LIPT2: variants seen among roughly 807,000 people sequenced by gnomAD.
LIPT2 encodes the protein octanoyl-[acyl-carrier-protein]:protein N-octanoyltransferase LIPT2, mitochondrial.
A neutral mutation model predicts 16.2 loss-of-function variants in LIPT2; 16 were observed. That is an observed-to-expected ratio of 0.99 (90% CI 0.67 to 1.50). The LOEUF is 1.50. Among genes scored for constraint, LIPT2 ranks in the 40% most tolerant of loss-of-function variants. LIPT2 has a pLI of 0.00. For synonymous variants in LIPT2, 199 were observed against 169.3 expected, an observed-to-expected ratio of 1.18 and a Z score of -1.36; for missense variants, 424 against 347.7, an observed-to-expected ratio of 1.22 and a Z score of -1.75.
rs1864371355 is a variant in LIPT2, at chr11:74,492,746, A to T, written c.467-382T>A. On this transcript the variant is annotated intron_variant, in intron 1 of 1. Transcript: ENST00000310109. ...CGGTGAAACCCCATCTCTACTAAAAATACAAAAAATTAGCCGGGCTGGTGG... is the reference window on the plus strand; with the variant it reads ...CGGTGAAACCCCATCTCTACTAAAATTACAAAAAATTAGCCGGGCTGGTGG... 2.6e-5 allele frequency among the ~76,000 whole-genome samples: 4 copies of T among 151,962 alleles called. No individual in the cohort carries two copies. The South Asian group carries it at 8.3e-4, about 32-fold the overall frequency.
chr11:74,493,714 G>T lies in LIPT2; in HGVS notation c.-11C>A. ...GGCGGGTTGCCGCATCGTGCCCACC[G>T]TTGCGTCCGCGGGGCCCCGCCCTCT... is the stretch of plus-strand genomic sequence containing the variant. On this transcript the variant is annotated 5_prime_UTR_variant, in exon 1 of 2. Transcript: ENST00000310109. 1.5e-6 allele frequency: 2 copies of T among 1,354,414 alleles called. No individual in the cohort carries two copies. The highest frequency in any genetic ancestry group is 9.4e-7 in the Non-Finnish European group (1 of 1,060,396). 83.9% of individuals were successfully genotyped at this position (1,354,414 alleles called of 1,614,324 possible). A position where few individuals can be genotyped will look rare whatever the true frequency, so the allele number is the denominator to read the frequency against.
chr11:74,492,451 T>G, intron 1 of LIPT2, 87 bp from the exon 2 acceptor site: 1 of 832,322 alleles, frequency 1.2e-6, no homozygotes, highest in Non-Finnish European at 2.0e-6. Flanking sequence ...GAAAACTGGA[T>G]TAGATCACCG....
intron 1 of LIPT2, 103 bp downstream of exon 1, chr11:74,493,135 C>T (rs936775048): frequency 3.6e-6 from 3 of 832,576 alleles, no homozygotes; most frequent in Non-Finnish European, 3.3e-6. Flanking sequence ...GATACGCCTC[C>T]TCCCGGCCCT....
At position 74,493,396 on chromosome 11, in the gene LIPT2, A is replaced by C. The variant is rs965475341; in HGVS notation, c.308T>G (p.Leu103Arg). The part of the protein sequence containing the change: ...GPGQLLCHPV[L>R]DLRRLGLRLR... Reference sequence around the variant, plus strand: ...GCGCAGGCCGAGACGCCGCAGGTCGAGTACCGGGTGGCAAAGCAGCTGGCC... The same window carrying C: ...GCGCAGGCCGAGACGCCGCAGGTCGCGTACCGGGTGGCAAAGCAGCTGGCC... Residue 103 changes from leucine to arginine, a missense_variant, in exon 1 of 2, where the codon CTC becomes CGC. Transcript: ENST00000310109. 2 of 1,515,976 alleles carry C rather than the reference A, an allele frequency of 1.3e-6. No individual in the cohort carries two copies. Among genetic ancestry groups the C allele is most frequent in the African/African-American group, 2.9e-5 (2 of 69,960 alleles). 93.9% of individuals were successfully genotyped at this position (1,515,976 alleles called of 1,614,324 possible).
chr11:74,492,127 A>G lies in LIPT2; in HGVS notation c.*8T>C, dbSNP rs1265984532. ...AGGCAGGAGCATCCTGGCTGTTATG[A>G]GTACTCTTCAGTTGGGGCTGTCCTC... On this transcript the variant is annotated 3_prime_UTR_variant, in exon 2 of 2. Coordinates refer to ENST00000310109, the MANE Select transcript of LIPT2 (RefSeq NM_001144869.3). 6.5e-7 allele frequency: 1 copy of G among 1,546,570 alleles called. No homozygotes were observed. Among genetic ancestry groups the G allele is most frequent in the East Asian group, 2.4e-5 (1 of 40,860 alleles).
In LIPT2 at chr11:74,493,710, C is replaced by T. The variant is rs1316886999; in HGVS notation, c.-7G>A. ...GAACGGCGGGTTGCCGCATCGTGCC[C>T]ACCGTTGCGTCCGCGGGGCCCCGCC... On this transcript the variant is annotated 5_prime_UTR_variant, in exon 1 of 2. Coordinates refer to ENST00000310109, the MANE Select transcript of LIPT2 (RefSeq NM_001144869.3). 1 of 1,359,190 alleles carries T rather than the reference C, an allele frequency of 7.4e-7. No homozygotes were observed. Among genetic ancestry groups the T allele is most frequent in the East Asian group, 3.1e-5 (1 of 32,470 alleles). 84.2% of individuals were successfully genotyped at this position (1,359,190 alleles called of 1,614,324 possible).
At position 74,490,536 on chromosome 11, in the gene LIPT2, T is replaced by C. The variant is rs530090465; in HGVS notation, c.*1599A>G. Among the ~76,000 whole-genome samples, 18 of 152,240 alleles carry C rather than the reference T, an allele frequency of 1.2e-4. No individual in the cohort carries two copies. The highest frequency in any genetic ancestry group is 4.3e-4 in the African/African-American group (18 of 41,542). On this transcript the variant is annotated 3_prime_UTR_variant, in exon 2 of 2. Transcript: ENST00000310109. The stretch of plus-strand genomic sequence containing the variant: ...CATTTATATTGCTTTATATTGATAT[T>C]TTTATATATTGGGTTAATTAAAATA...
rs998592620 is a variant in LIPT2 at position 74,493,663 on chromosome 11, A to T, written c.41T>A (p.Val14Glu). 24 of 1,432,162 alleles carry T rather than the reference A, an allele frequency of 1.7e-5. No homozygotes were observed. The highest frequency in any genetic ancestry group is 2.0e-5 in the Non-Finnish European group (22 of 1,098,638). The allele number at this position is 1,432,162 out of a possible 1,614,324, so 88.7% of individuals were successfully genotyped here. A position where few individuals can be genotyped will look rare whatever the true frequency, so the allele number is the denominator to read the frequency against. The change falls in exon 1 of 2, where the codon GTG (valine) becomes GAG (glutamate). Residue 14 changes from valine (V) to glutamate (E), a missense_variant. Physicochemically the swap from Val to Glu is moderately radical, Grantham distance 121. Transcript: ENST00000310109. Reference sequence around the variant, plus strand: ...CAGCCCCAGTAGCTCGGCGTACGGCACCCGACCCAGGCGCACCAACCGAAC... The same window carrying T: ...CAGCCCCAGTAGCTCGGCGTACGGCTCCCGACCCAGGCGCACCAACCGAAC... Reference protein sequence around the residue: ...PAVRLVRLGRVPYAELLGLQD... With the variant: ...PAVRLVRLGREPYAELLGLQD...
At position 74,491,161 on chromosome 11, in the gene LIPT2, AG is replaced by A. The variant is rs1482216197; in HGVS notation, c.*973del. On this transcript the variant is annotated 3_prime_UTR_variant, in exon 2 of 2. Transcript: ENST00000310109. ...CATGAGAACAATTAAGCAACCCTAT[AG>A]GGAGGTCCACACGGTAAGGAACTGA... 2.6e-5 allele frequency among the ~76,000 whole-genome samples: 4 copies of A among 152,358 alleles called. No homozygotes were observed. Among genetic ancestry groups the A allele is most frequent in the Admixed American group, 2.0e-4 (3 of 15,310 alleles).
chr11:74,493,691 C>T lies in LIPT2; in HGVS notation c.13G>A (p.Ala5Thr), dbSNP rs1300236615. 7.2e-7 allele frequency: 1 copy of T among 1,386,088 alleles called. No homozygotes were observed. The highest frequency in any genetic ancestry group is 9.3e-7 in the Non-Finnish European group (1 of 1,075,576). The allele number at this position is 1,386,088 out of a possible 1,614,324, so 85.9% of individuals were successfully genotyped here. A position where few individuals can be genotyped will look rare whatever the true frequency, so the allele number is the denominator to read the frequency against. MRQP[A>T]VRLVRLGRVP... ...CGACCCAGGCGCACCAACCGAACGGCGGGTTGCCGCATCGTGCCCACCGTT... is the reference window on the plus strand; with the variant it reads ...CGACCCAGGCGCACCAACCGAACGGTGGGTTGCCGCATCGTGCCCACCGTT... The change falls in exon 1 of 2, where the codon GCC (alanine) becomes ACC (threonine). Residue 5 changes from alanine (A) to threonine (T), a missense_variant. Physicochemically the swap from Ala to Thr is moderately conservative, Grantham distance 58. Coordinates refer to ENST00000310109, the MANE Select transcript of LIPT2 (RefSeq NM_001144869.3).
At position 74,492,348 on chromosome 11, in the gene LIPT2, C is replaced by G; in HGVS notation, c.483G>C (p.Arg161Ser). The change falls in exon 2 of 2, where the codon AGG becomes AGC. Residue 161 changes from arginine (R) to serine (S), a missense_variant. Coordinates refer to ENST00000310109, the MANE Select transcript of LIPT2 (RefSeq NM_001144869.3). ...KICAIGVRCG[R>S]HITSHGLALN... ...GAGCCAGGCCGTGGGATGTGATGTG[C>G]CTTCCACAGCGGACTCCTGCAAGGC... 1 of 1,551,496 alleles carries G rather than the reference C, an allele frequency of 6.4e-7. No homozygotes were observed. The highest frequency in any genetic ancestry group is 8.7e-7 in the Non-Finnish European group (1 of 1,146,788).
At position 74,491,608 on chromosome 11, in the gene LIPT2, A is replaced by T. The variant is rs1864336188; in HGVS notation, c.*527T>A. ...CTTGGGGAATCAAACCCAGGAAGGT[A>T]AGATCCCATTTTATTCTTAGAAGGT... On this transcript the variant is annotated 3_prime_UTR_variant, in exon 2 of 2. Coordinates refer to ENST00000310109, the MANE Select transcript of LIPT2 (RefSeq NM_001144869.3). 6.5e-6 allele frequency: 1 copy of T among 154,018 alleles called. No homozygotes were observed. The highest frequency in any genetic ancestry group is 2.4e-5 in the African/African-American group (1 of 41,456). The allele number at this position is 154,018 out of a possible 1,614,324, so 9.5% of individuals were successfully genotyped here.
In LIPT2 at chr11:74,491,186, G is replaced by A. The variant is rs530065745; in HGVS notation, c.*949C>T. 8.5e-5 allele frequency among the ~76,000 whole-genome samples: 13 copies of A among 152,332 alleles called. No individual in the cohort carries two copies. Among genetic ancestry groups the A allele is most frequent in the African/African-American group, 3.1e-4 (13 of 41,576 alleles). On this transcript the variant is annotated 3_prime_UTR_variant, in exon 2 of 2. Coordinates refer to ENST00000310109, the MANE Select transcript of LIPT2 (RefSeq NM_001144869.3). The stretch of plus-strand genomic sequence containing the variant: ...AGGGAGGTCCACACGGTAAGGAACT[G>A]AGGCCTCTTGTCAGCAACCATAACC...
rs1252291831 is a variant in LIPT2 at position 74,493,188 on chromosome 11, T to C, written c.466+50A>G. 12 of 1,285,658 alleles carry C rather than the reference T, an allele frequency of 9.3e-6. No individual in the cohort carries two copies. In the East Asian group the frequency reaches 1.6e-4, roughly 17 times the overall value. The allele number at this position is 1,285,658 out of a possible 1,614,324, so 79.6% of individuals were successfully genotyped here. A position where few individuals can be genotyped will look rare whatever the true frequency, so the allele number is the denominator to read the frequency against. ...CCCCGTCAGACCCCGCCCCCAGGCC[T>C]CAAGCTCCGACCTCGGCTCTCAGGT... On this transcript the variant is annotated intron_variant, in intron 1 of 1. Transcript: ENST00000310109.
At position 74,493,575 on chromosome 11, in the gene LIPT2, C is replaced by G; in HGVS notation, c.129G>C (p.Glu43Asp). The change falls in exon 1 of 2, where the codon GAG becomes GAC. Residue 43 changes from glutamate (E) to aspartate (D), a missense_variant. Transcript: ENST00000310109. ...GCTCGCAGAGCAGGAGCGCGCCCGC[C>G]TCAGTCCCCGACGGGGCCTCAATGC... The part of the protein sequence containing the change: ...EPGIEAPSGT[E>D]AGALLLCEPA... 1 of 1,447,610 alleles carries G rather than the reference C, an allele frequency of 6.9e-7. No individual in the cohort carries two copies. Among genetic ancestry groups the G allele is most frequent in the South Asian group, 1.4e-5 (1 of 73,582 alleles). The allele number at this position is 1,447,610 out of a possible 1,614,324, so 89.7% of individuals were successfully genotyped here.
chr11:74,492,985 T>C (rs1440521191), intron 1 of LIPT2, among the ~76,000 whole-genome samples: 2 of 151,916 alleles, frequency 1.3e-5, no homozygotes, highest in South Asian at 2.1e-4. Flanking sequence ...AACCTGGCAA[T>C]TCACTTCTCT....
intron 1 of LIPT2, among the ~76,000 whole-genome samples, chr11:74,492,880 G>A (rs1221508367): frequency 5.4e-5 from 8 of 147,086 alleles, no homozygotes; most frequent in Non-Finnish European, 1.0e-4. Flanking sequence ...CTCCAGCCTG[G>A]GTGACAAAGC....
Position 74,491,823 on chromosome 11 carries a change from T to C in LIPT2, c.*312A>G, listed in dbSNP as rs897764091. 3.1e-6 allele frequency: 1 copy of C among 323,760 alleles called. No individual in the cohort carries two copies. Among genetic ancestry groups the C allele is most frequent in the Non-Finnish European group, 6.0e-6 (1 of 167,006 alleles). The allele number at this position is 323,760 out of a possible 1,614,324, so 20.1% of individuals were successfully genotyped here. On this transcript the variant is annotated 3_prime_UTR_variant, in exon 2 of 2. Transcript: ENST00000310109. The stretch of plus-strand genomic sequence containing the variant: ...AATTGAGAAATGACAATCTATGACA[T>C]CAACAATCGAGAAATAACAATCTAT...
rs1218246470 is a variant in LIPT2, at chr11:74,493,394, C to G, written c.310G>C (p.Asp104His). ...AAGCGCAGGCCGAGACGCCGCAGGTCGAGTACCGGGTGGCAAAGCAGCTGG... is the reference window on the plus strand; with the variant it reads ...AAGCGCAGGCCGAGACGCCGCAGGTGGAGTACCGGGTGGCAAAGCAGCTGG... ...PGQLLCHPVL[D>H]LRRLGLRLRM... is the part of the protein sequence containing the mutation. Residue 104 changes from aspartate to histidine, a missense_variant, in exon 1 of 2, where the codon GAC becomes CAC. Physicochemically the swap from Asp to His is moderately conservative, Grantham distance 81. Coordinates refer to ENST00000310109, the MANE Select transcript of LIPT2 (RefSeq NM_001144869.3). The G allele has an allele frequency of 2.6e-6, 4 of 1,515,708 alleles. No homozygotes were observed. In the African/African-American group the frequency reaches 5.7e-5, roughly 22 times the overall value. The allele number at this position is 1,515,708 out of a possible 1,614,324, so 93.9% of individuals were successfully genotyped here. A position where few individuals can be genotyped will look rare whatever the true frequency, so the allele number is the denominator to read the frequency against.
Sources: gnomAD v4.1 joint callset for allele counts (sites outside exome capture counted in the v4.1 genomes callset) on GRCh38, gnomAD v4.1.1 for gene constraint, MANE v1.5 for transcripts, NCBI Gene and HGNC (gene_info 2026-07-23, HGNC 2026-07-21) for gene names.